DLC1: variants seen among roughly 807,000 people sequenced by gnomAD.
DLC1 encodes the protein rho GTPase-activating protein 7.
In DLC1, 54 loss-of-function variants were observed where a neutral mutation model predicts 140.3. The observed-to-expected ratio is 0.38, with a 90% CI of 0.31 to 0.48. The LOEUF is 0.48. Ranked by LOEUF, DLC1 falls within the 20% of genes least tolerant of loss-of-function variation. The probability of loss-of-function intolerance (pLI) is 0.96; values close to 1 mark genes in which losing one functional copy is unlikely to be tolerated. For missense variants in DLC1, 2,536 were observed against 1,907.0 expected (o/e 1.33, Z -6.14); for synonymous variants, 986 against 728.1 (o/e 1.35, Z -5.70).
chr8:13,302,189 A>G (rs1425123140), intron 5 of DLC1, among the ~76,000 whole-genome samples: 1 of 152,204 alleles, frequency 6.6e-6, no homozygotes, highest in African/African-American at 2.4e-5. Flanking sequence ...TTGAATAAGC[A>G]GAGTTAAGAA....
chr8:13,259,975 AT>A, intron 5 of DLC1, among the ~76,000 whole-genome samples: 1 of 152,364 alleles, frequency 6.6e-6, no homozygotes, highest in East Asian at 1.9e-4. Flanking sequence ...TGTTCTAGAC[AT>A]TACAAGAGCA....
chr8:13,129,064 G>T (rs1821856283), intron 5 of DLC1, among the ~76,000 whole-genome samples: 1 of 152,124 alleles, frequency 6.6e-6, no homozygotes, highest in African/African-American at 2.4e-5. Context: ...AAGGGCCAGA[G>T]GACAGAAGGA....
intron 2 of DLC1, among the ~76,000 whole-genome samples, chr8:13,452,543 A>G (rs182727699): frequency 3.3e-5 from 5 of 152,360 alleles, no homozygotes; most frequent in South Asian, 2.1e-4. Context: ...TAACTATCAT[A>G]GAACTATCAG....
At chr8:13,394,050 C>A (rs1199223357) in intron 3 of DLC1, among the ~76,000 whole-genome samples, 1 of 152,240 alleles carries the variant, frequency 6.6e-6, no homozygotes, top group Non-Finnish European at 1.5e-5. Context: ...GAATCACTCA[C>A]TGACACTCCT....
intron 1 of DLC1, among the ~76,000 whole-genome samples, chr8:13,580,626 A>T (rs923336065): frequency 4.6e-5 from 7 of 152,202 alleles, no homozygotes; most frequent in Admixed American, 3.9e-4. Context: ...AGCTGAGATG[A>T]CAAAACTGAC....
At chr8:13,402,917 T>C (rs1837362754) in intron 2 of DLC1, among the ~76,000 whole-genome samples, 1 of 152,242 alleles carries the variant, frequency 6.6e-6, no homozygotes, top group Admixed American at 6.5e-5. Flanking sequence ...CAAGAGCAGA[T>C]TGTTAATATT....
At chr8:13,443,962 C>T (rs1798663188) in intron 2 of DLC1, among the ~76,000 whole-genome samples, 1 of 152,108 alleles carries the variant, frequency 6.6e-6, no homozygotes, top group Admixed American at 6.6e-5. Context: ...CTGAAGCTAT[C>T]TGAAATCCAC....
intron 5 of DLC1, among the ~76,000 whole-genome samples, chr8:13,225,853 G>C (rs1395630151): frequency 6.6e-6 from 1 of 152,028 alleles, no homozygotes; most frequent in Non-Finnish European, 1.5e-5. Context: ...CTGACCTCGC[G>C]ATCCGCCTGC....
intron 4 of DLC1, among the ~76,000 whole-genome samples, chr8:13,313,910 C>G (rs1213147091): frequency 6.6e-6 from 1 of 152,024 alleles, no homozygotes; most frequent in African/African-American, 2.4e-5. Flanking sequence ...TGGGCCTATT[C>G]TTTGTCCTTT....
chr8:13,236,677 G>T (rs992845358), intron 5 of DLC1, among the ~76,000 whole-genome samples: 2 of 151,912 alleles, frequency 1.3e-5, no homozygotes, highest in Non-Finnish European at 2.9e-5. Context: ...CTTTGGAGAT[G>T]GTCCAAAAAA....
intron 1 of DLC1, among the ~76,000 whole-genome samples, chr8:13,547,770 C>G (rs1482960499): frequency 1.3e-5 from 2 of 152,056 alleles, no homozygotes; most frequent in Non-Finnish European, 2.9e-5. Context: ...TCCCTGCCTA[C>G]TCTTTCTAAT....
At chr8:13,164,566 C>T (rs756626766) in intron 5 of DLC1, among the ~76,000 whole-genome samples, 3 of 152,056 alleles carry the variant, frequency 2.0e-5, no homozygotes, top group Non-Finnish European at 4.4e-5. Flanking sequence ...TTAACGGGAT[C>T]TTATCTATAT....
chr8:13,147,421 C>T (rs1216327386), intron 5 of DLC1, among the ~76,000 whole-genome samples: 2 of 152,200 alleles, frequency 1.3e-5, no homozygotes, highest in Non-Finnish European at 2.9e-5. Context: ...TGTGTTCCTT[C>T]TCTCACTCAT....
In DLC1 at chr8:13,507,718, A is replaced by G. The variant is rs115507293; in HGVS notation, c.-126+6884T>C. On this transcript the variant is annotated intron_variant, in intron 1 of 17. Coordinates refer to ENST00000276297, the MANE Select transcript of DLC1 (RefSeq NM_182643.3). ...GTTTTATTGGCAAATTGCTTAATGGAGATTAAAATATTATATATGAAGTAG... is the reference window on the plus strand; with the variant it reads ...GTTTTATTGGCAAATTGCTTAATGGGGATTAAAATATTATATATGAAGTAG... Among the ~76,000 whole-genome samples, 514 of 152,328 alleles carry G rather than the reference A, an allele frequency of 3.4e-3. 3 individuals are homozygous for G. Among genetic ancestry groups the G allele is most frequent in the African/African-American group, 0.012 (500 of 41,584 alleles).
At chr8:13,427,028 A>G (rs530879226) in intron 2 of DLC1, among the ~76,000 whole-genome samples, 2 of 152,190 alleles carry the variant, frequency 1.3e-5, no homozygotes, top group South Asian at 4.2e-4. Context: ...TTCAACCTGT[A>G]CTTTGGGAGT....
At chr8:13,284,466 G>A (rs1179810970) in intron 5 of DLC1, among the ~76,000 whole-genome samples, 1 of 152,164 alleles carries the variant, frequency 6.6e-6, no homozygotes, top group Non-Finnish European at 1.5e-5. Flanking sequence ...GGCAGAAGTT[G>A]CAGTGCGCTG....
chr8:13,595,634 G>T (rs1206479201), intron 1 of DLC1, among the ~76,000 whole-genome samples: 1 of 151,962 alleles, frequency 6.6e-6, no homozygotes, highest in Non-Finnish European at 1.5e-5. Context: ...TATTGAGTCT[G>T]GGTGAAAGAT....
At chr8:13,468,719 T>C (rs115829591) in intron 2 of DLC1, among the ~76,000 whole-genome samples, 6,067 of 151,620 alleles carry the variant, frequency 0.04, 372 homozygotes, top group African/African-American at 0.13. Flanking sequence ...TTTCTTACCT[T>C]GATGGAGGTT....
At chr8:13,095,007 G>T in intron 11 of DLC1, 50 bp from the exon 12 acceptor site, 1 of 1,613,848 alleles carries the variant, frequency 6.2e-7, no homozygotes. Flanking sequence ...TGGACGCAGT[G>T]TTTACACCAC....
Sources: gnomAD v4.1 joint callset for allele counts (sites outside exome capture counted in the v4.1 genomes callset) on GRCh38, gnomAD v4.1.1 for gene constraint, MANE v1.5 for transcripts, NCBI Gene and HGNC (gene_info 2026-07-23, HGNC 2026-07-21) for gene names.